Variants in POLE2 observed in about 807,000 individuals in gnomAD.
POLE2 encodes the protein DNA polymerase epsilon subunit 2.
POLE2 carries 56 observed loss-of-function variants against 79.4 expected under a neutral mutation model. The ratio of observed to expected loss-of-function variants is 0.71; its 90% CI spans 0.57 to 0.88. The LOEUF (loss-of-function observed/expected upper bound fraction) is 0.88. Among genes scored for constraint, POLE2 ranks in the 40% least tolerant of loss-of-function variants. POLE2 has a pLI of 0.00. For missense variants in POLE2, 598 were observed against 638.9 expected, an observed-to-expected ratio of 0.94 and a Z score of 0.69; for synonymous variants, 212 against 214.0, an observed-to-expected ratio of 0.99 and a Z score of 0.08.
intron 17 of POLE2, among the ~76,000 whole-genome samples, chr14:49,648,842 T>C (rs905710093): frequency 1.3e-5 from 2 of 152,210 alleles, no homozygotes. Flanking sequence ...ACAGGCCCTT[T>C]CTATGTTGCC....
At chr14:49,646,464 A>C (rs1377089120) in intron 18 of POLE2, 1 of 151,830 alleles carries the variant, frequency 6.6e-6, no homozygotes, top group African/African-American at 2.4e-5. Flanking sequence ...CTGGGATTAC[A>C]GGCACACGCC....
intron 1 of POLE2, among the ~76,000 whole-genome samples, chr14:49,686,135 C>G (rs1887118874): frequency 6.6e-6 from 1 of 152,130 alleles, no homozygotes; most frequent in East Asian, 1.9e-4. Context: ...ATCCATTACT[C>G]CTGGTAGTTA....
At chr14:49,669,758 G>C (rs1484194920) in intron 5 of POLE2, among the ~76,000 whole-genome samples, 160 bp from the exon 6 acceptor site, 1 of 152,006 alleles carries the variant, frequency 6.6e-6, no homozygotes, top group Non-Finnish European at 1.5e-5. Context: ...CAAATATCTA[G>C]TAATGTAAGT....
chr14:49,687,862 G>A (rs1887269701), intron 1 of POLE2, among the ~76,000 whole-genome samples: 1 of 152,028 alleles, frequency 6.6e-6, no homozygotes, highest in South Asian at 2.1e-4. Context: ...ACCACGCCCA[G>A]CTAATTTTTG....
At chr14:49,687,881 G>A (rs572372723) in intron 1 of POLE2, among the ~76,000 whole-genome samples, 1 of 152,144 alleles carries the variant, frequency 6.6e-6, no homozygotes, top group South Asian at 2.1e-4. Flanking sequence ...TGTATTTTTA[G>A]TAGAGACGGG....
intron 6 of POLE2, among the ~76,000 whole-genome samples, chr14:49,667,794 A>G (rs556881765): frequency 6.6e-6 from 1 of 152,312 alleles, no homozygotes; most frequent in East Asian, 1.9e-4. Context: ...TCATATTTAT[A>G]GAAATTACCA....
intron 5 of POLE2, among the ~76,000 whole-genome samples, chr14:49,673,122 T>C (rs139302558): frequency 2.0e-5 from 3 of 152,282 alleles, no homozygotes; most frequent in East Asian, 3.9e-4. Flanking sequence ...CCATGTGTTA[T>C]AGTTTCTGCT....
chr14:49,677,291 A>G (rs1594609755), intron 3 of POLE2: 1 of 575,290 alleles, frequency 1.7e-6, no homozygotes, highest in East Asian at 3.1e-5. Flanking sequence ...TTTAAGAGAG[A>G]TATACTGTGG....
At chr14:49,647,718 A>G (rs959829066) in intron 17 of POLE2, among the ~76,000 whole-genome samples, 4 of 152,208 alleles carry the variant, frequency 2.6e-5, no homozygotes, top group African/African-American at 9.6e-5. Flanking sequence ...TCGGCCTCTC[A>G]GAGTGCTGGG....
At chr14:49,654,602 A>G in intron 13 of POLE2, 182 bp downstream of exon 13, 1 of 695,556 alleles carries the variant, frequency 1.4e-6, no homozygotes, top group Non-Finnish European at 2.1e-6. Flanking sequence ...TATCCCTTTC[A>G]ATACTTTTCA....
intron 7 of POLE2, 34 bp from the exon 8 acceptor site, chr14:49,665,197 T>C: frequency 1.1e-6 from 1 of 924,176 alleles, no homozygotes; most frequent in Non-Finnish European, 1.8e-6. Context: ...TCCACATTTA[T>C]GTAACAATGA....
chr14:49,647,304 T>C lies in POLE2; in HGVS notation c.1554A>G (p.Thr518=). The part of the protein sequence containing the change: ...SFKVFYPSNK[T]VEDSKLQGF ...GTGCACACACTTACCTATCTTCTACTGTCTTATTAGAAGGATAAAAAACTT... is the reference window on the plus strand; with the variant it reads ...GTGCACACACTTACCTATCTTCTACCGTCTTATTAGAAGGATAAAAAACTT... The change falls in exon 18 of 19, where the codon ACA becomes ACG. Residue 518 remains threonine, a synonymous_variant. Coordinates refer to ENST00000216367, the MANE Select transcript of POLE2 (RefSeq NM_002692.4). 6.5e-7 allele frequency: 1 copy of C among 1,545,686 alleles called. No individual in the cohort carries two copies. The highest frequency in any genetic ancestry group is 8.8e-7 in the Non-Finnish European group (1 of 1,131,552).
chr14:49,643,807 A>G (rs1350474212), intron 18 of POLE2, 137 bp from the exon 19 acceptor site: 9 of 412,682 alleles, frequency 2.2e-5, no homozygotes, highest in Non-Finnish European at 3.1e-5. Flanking sequence ...TTTCAAATTC[A>G]AAAGGAGACT....
At chr14:49,654,966 G>T in intron 12 of POLE2, 39 bp downstream of exon 12, 1 of 1,401,164 alleles carries the variant, frequency 7.1e-7, no homozygotes, top group Non-Finnish European at 9.6e-7. Flanking sequence ...TAGTTTATAT[G>T]ACTATAGAAA....
At chr14:49,675,088 A>AT (rs34418737) in intron 3 of POLE2, among the ~76,000 whole-genome samples, 35,316 of 147,098 alleles carry the variant, frequency 0.24, 4,919 homozygotes, top group African/African-American at 0.39. Context: ...GAGCTACAGT[A>AT]TTTTTTTTTT....
At position 49,664,617 on chromosome 14, in the gene POLE2, C is replaced by A; in HGVS notation, c.682+9G>T. On this transcript the variant is annotated intron_variant, in intron 9 of 18. Coordinates refer to ENST00000216367, the MANE Select transcript of POLE2 (RefSeq NM_002692.4). ...AGAAGAAGGACAGTAACAAAGTATA[C>A]TGACTTACCTTCTGCTAAGACAAAG... 6.4e-7 allele frequency: 1 copy of A among 1,555,516 alleles called. No individual in the cohort carries two copies. The highest frequency in any genetic ancestry group is 1.7e-5 in the Admixed American group (1 of 59,774).
intron 3 of POLE2, 128 bp from the exon 4 acceptor site, chr14:49,674,555 ATTTCTTTTTCTT>A (rs149697138): frequency 2.8e-5 from 18 of 650,798 alleles, no homozygotes; most frequent in African/African-American, 7.4e-5. Flanking sequence ...CAGGCACACA[ATTTCTTTTTCTT>A]TTTCTTTTTC....
intron 6 of POLE2, among the ~76,000 whole-genome samples, chr14:49,669,010 C>G (rs1885687505): frequency 6.6e-6 from 1 of 152,104 alleles, no homozygotes; most frequent in African/African-American, 2.4e-5. Flanking sequence ...CTATGTTGGC[C>G]AGGTTGTGGG....
At chr14:49,677,327 T>C in intron 3 of POLE2, 2 of 530,044 alleles carry the variant, frequency 3.8e-6, no homozygotes, top group South Asian at 2.2e-5. Context: ...CGAAGGACGA[T>C]GGCAACTTCC....
Sources: gnomAD v4.1 joint callset for allele counts (sites outside exome capture counted in the v4.1 genomes callset) on GRCh38, gnomAD v4.1.1 for gene constraint, MANE v1.5 for transcripts, NCBI Gene and HGNC (gene_info 2026-07-23, HGNC 2026-07-21) for gene names.